The following DNM3 variants were observed in gnomAD, a reference collection of about 807,000 sequenced individuals.
DNM3 encodes the protein dynamin-3.
In DNM3, 47 loss-of-function variants were observed where a neutral mutation model predicts 101.6. The observed-to-expected ratio is 0.46, with a 90% confidence interval of 0.37 to 0.59. The LOEUF (loss-of-function observed/expected upper bound fraction) is 0.59. Ranked by LOEUF, DNM3 falls within the 20% of genes least tolerant of loss-of-function variation. DNM3 has a pLI of 0.00. For synonymous variants in DNM3, 385 were observed against 387.9 expected (o/e 0.99, Z 0.09); for missense variants, 849 against 1,085.7 (o/e 0.78, Z 3.06).
At chr1:171,861,168 C>T (rs1293997049) in intron 1 of DNM3, among the ~76,000 whole-genome samples, 5 of 152,090 alleles carry the variant, frequency 3.3e-5, no homozygotes, top group Non-Finnish European at 5.9e-5. Flanking sequence ...AATGGCAACA[C>T]ACCTCAAATC....
rs186822230 is a variant in DNM3 at position 172,343,022 on chromosome 1, C to G, written c.1893+19682C>G. Among the ~76,000 whole-genome samples, 3 of 152,272 alleles carry G rather than the reference C, an allele frequency of 2.0e-5. No homozygotes were observed. The East Asian group carries it at 5.8e-4, about 29-fold the overall frequency. On this transcript the variant is annotated intron_variant, in intron 17 of 20. Transcript: ENST00000627582. Reference sequence around the variant, plus strand: ...TAATGCGGTCAGTTTTATCACAGATCAGGCCTCCCTAAGGCGAAGGAGCTA... The same window carrying G: ...TAATGCGGTCAGTTTTATCACAGATGAGGCCTCCCTAAGGCGAAGGAGCTA...
chr1:172,108,065 G>A (rs1429852306), intron 13 of DNM3, among the ~76,000 whole-genome samples: 1 of 151,926 alleles, frequency 6.6e-6, no homozygotes, highest in East Asian at 1.9e-4. Flanking sequence ...TTAAGTCTCG[G>A]TGTCAAGGTA....
At chr1:171,973,582 A>C (rs371523965) in intron 2 of DNM3, among the ~76,000 whole-genome samples, 5 of 151,954 alleles carry the variant, frequency 3.3e-5, no homozygotes, top group African/African-American at 1.2e-4. Context: ...TTTGCAGTGG[A>C]GGGAACTGAG....
chr1:172,099,781 T>C (rs1447520300), intron 13 of DNM3, among the ~76,000 whole-genome samples: 1 of 152,178 alleles, frequency 6.6e-6, no homozygotes, highest in East Asian at 1.9e-4. Context: ...AGAGATGTTA[T>C]TGGAGTAAGA....
intron 17 of DNM3, among the ~76,000 whole-genome samples, chr1:172,325,003 G>A (rs1027344324): frequency 1.3e-5 from 2 of 151,988 alleles, no homozygotes; most frequent in African/African-American, 4.8e-5. Flanking sequence ...TGGATTCACC[G>A]ATGAGTTAAG....
chr1:171,842,824 TAA>T (rs2031474429), intron 1 of DNM3, among the ~76,000 whole-genome samples: 1 of 152,216 alleles, frequency 6.6e-6, no homozygotes, highest in South Asian at 2.1e-4. Flanking sequence ...CATGAGGGAT[TAA>T]GTTACCTTAA....
At chr1:172,176,721 G>T (rs1295138164) in intron 14 of DNM3, among the ~76,000 whole-genome samples, 1 of 151,820 alleles carries the variant, frequency 6.6e-6, no homozygotes, top group Non-Finnish European at 1.5e-5. Flanking sequence ...TGCAGCAAAA[G>T]ATAACTAATT....
At position 171,944,855 on chromosome 1, in the gene DNM3, C is replaced by CTTTT. The variant is rs71561600; in HGVS notation, c.235+23057_235+23060dup. Among the ~76,000 whole-genome samples, 45 of 87,414 alleles carry CTTTT rather than the reference C, an allele frequency of 5.1e-4. 8 individuals are homozygous for CTTTT. The highest frequency in any genetic ancestry group is 1.6e-3 in the African/African-American group (31 of 19,792). The allele number at this position is 87,414 out of a possible 152,430, so 57.3% of individuals were successfully genotyped here. On this transcript the variant is annotated intron_variant, in intron 2 of 20. Transcript: ENST00000627582. ...TTGTTTTCTTTTTTTTTGGTGTTTC[C>CTTTT]TTTTTTTTTTTTTTTTTTTTTTTTT...
chr1:171,841,747 C>T lies in DNM3; in HGVS notation c.91C>T (p.Leu31=). Residue 31 remains leucine, a synonymous_variant, in exon 1 of 21, where the codon CTG becomes TTG. Transcript: ENST00000627582. The stretch of plus-strand genomic sequence containing the variant: ...GCTGGGACAGAGCTGCCTGCTGGAG[C>T]TGCCGCAGATCGCCGTGGTGGGCGG... ...SALGQSCLLE[L]PQIAVVGGQS... is the part of the protein sequence containing the mutation. The T allele has an allele frequency of 6.2e-7, 1 of 1,610,830 alleles. No homozygotes were observed. The highest frequency in any genetic ancestry group is 8.5e-7 in the Non-Finnish European group (1 of 1,179,250).
Position 172,048,683 on chromosome 1 carries a change from C to T in DNM3, c.1268C>T (p.Pro423Leu), listed in dbSNP as rs759535457. ...VKKQIVKLKGPSLKSVDLVIQ... is the reference protein window; with the variant it reads ...VKKQIVKLKGLSLKSVDLVIQ... Reference sequence around the variant, plus strand: ...AAACAGATTGTAAAGTTGAAAGGGCCTTCCTTGAAGAGTGTGGATCTGGTA... The same window carrying T: ...AAACAGATTGTAAAGTTGAAAGGGCTTTCCTTGAAGAGTGTGGATCTGGTA... Residue 423 changes from proline to leucine, a missense_variant, in exon 10 of 21, where the codon CCT becomes CTT. This residue lies in a region of DNM3 where 193 missense variants were observed against 238.4 expected (regional missense o/e 0.81). Transcript: ENST00000627582. 6.2e-7 allele frequency: 1 copy of T among 1,613,594 alleles called. No individual in the cohort carries two copies. The highest frequency in any genetic ancestry group is 1.1e-5 in the South Asian group (1 of 91,056).
At chr1:171,877,491 G>A (rs545405651) in intron 1 of DNM3, among the ~76,000 whole-genome samples, 3 of 152,312 alleles carry the variant, frequency 2.0e-5, no homozygotes, top group Middle Eastern at 3.4e-3. Flanking sequence ...TGGAAGTCAA[G>A]TAGTGAAATT....
intron 1 of DNM3, among the ~76,000 whole-genome samples, chr1:171,849,341 G>A (rs1296272483): frequency 6.6e-6 from 1 of 152,020 alleles, no homozygotes; most frequent in Non-Finnish European, 1.5e-5. Flanking sequence ...TGCAAAATAG[G>A]GATTGCAGAC....
intron 14 of DNM3, among the ~76,000 whole-genome samples, chr1:172,145,632 T>A (rs576669475): frequency 6.6e-6 from 1 of 152,290 alleles, no homozygotes; most frequent in African/African-American, 2.4e-5. Flanking sequence ...CTCTGAATGC[T>A]GTGCTATAGT....
chr1:171,873,601 C>T (rs2035491718), intron 1 of DNM3, among the ~76,000 whole-genome samples: 1 of 152,048 alleles, frequency 6.6e-6, no homozygotes, highest in South Asian at 2.1e-4. Flanking sequence ...GAGATTTAAG[C>T]AAGGACTTGA....
At chr1:171,890,271 G>C (rs2037152695) in intron 1 of DNM3, among the ~76,000 whole-genome samples, 1 of 152,044 alleles carries the variant, frequency 6.6e-6, no homozygotes, top group Non-Finnish European at 1.5e-5. Context: ...TTAAGACTTG[G>C]CTTTTTAAAG....
At chr1:172,105,036 A>G (rs1210347996) in intron 13 of DNM3, among the ~76,000 whole-genome samples, 1 of 152,232 alleles carries the variant, frequency 6.6e-6, no homozygotes, top group Admixed American at 6.5e-5. Context: ...ATTAATTTAC[A>G]TAAGGCACTG....
At chr1:171,902,748 G>A (rs997102663) in intron 1 of DNM3, among the ~76,000 whole-genome samples, 7 of 152,184 alleles carry the variant, frequency 4.6e-5, no homozygotes, top group Non-Finnish European at 1.0e-4. Context: ...GTTGTTAGGT[G>A]TTTATCAAGG....
intron 1 of DNM3, among the ~76,000 whole-genome samples, chr1:171,867,997 T>G (rs894220779): frequency 1.3e-5 from 2 of 152,186 alleles, no homozygotes; most frequent in Non-Finnish European, 2.9e-5. Context: ...GTAGAAAGAT[T>G]TTTATCATAT....
chr1:172,298,641 T>A (rs1485066408), intron 15 of DNM3, among the ~76,000 whole-genome samples: 1 of 152,082 alleles, frequency 6.6e-6, no homozygotes, highest in African/African-American at 2.4e-5. Context: ...GAGGACCTGT[T>A]TGAACTGAGT....
Sources: gnomAD v4.1 joint callset for allele counts (sites outside exome capture counted in the v4.1 genomes callset) on GRCh38, gnomAD v4.1.1 for gene constraint, gnomAD v4.1.1 regional missense constraint, MANE v1.5 for transcripts, NCBI Gene and HGNC (gene_info 2026-07-23, HGNC 2026-07-21) for gene names.